The following MYO7B variants were observed in gnomAD, a reference collection of about 807,000 sequenced individuals.
The protein encoded by MYO7B is myosin VIIB, also known as unconventional myosin-VIIb.
MYO7B carries 212 observed loss-of-function variants against 259.7 expected under a neutral mutation model. The observed-to-expected ratio is 0.82, with a 90% CI of 0.73 to 0.91. The LOEUF is 0.91. MYO7B is among the 40% of genes least tolerant of loss of function. MYO7B has a pLI of 0.00. For synonymous variants in MYO7B, 1,197 were observed against 1,166.4 expected, an observed-to-expected ratio of 1.03 and a Z score of -0.54; for missense variants, 2,732 against 2,813.5, an observed-to-expected ratio of 0.97 and a Z score of 0.66.
At chr2:127,565,090 C>A in intron 3 of MYO7B, 143 bp from the exon 4 acceptor site, 2 of 1,025,376 alleles carry the variant, frequency 2.0e-6, no homozygotes, top group Admixed American at 2.3e-5. Context: ...CTGACCCTGG[C>A]CGGAGGCTGG....
chr2:127,601,404 T>G (rs1452691082), intron 19 of MYO7B, among the ~76,000 whole-genome samples: 1 of 152,230 alleles, frequency 6.6e-6, no homozygotes, highest in Non-Finnish European at 1.5e-5. Flanking sequence ...TATCAATTGT[T>G]GAGAGAGTCT....
chr2:127,564,359 C>A, intron 3 of MYO7B, 93 bp downstream of exon 3: 3 of 1,042,694 alleles, frequency 2.9e-6, no homozygotes, highest in Non-Finnish European at 4.1e-6. Flanking sequence ...TCCCCAACAC[C>A]AGGGGCTCCA....
rs978571559 is a variant in MYO7B, at chr2:127,609,490, C to G, written c.2815-16C>G. ...TGAAAGCCCTGCTGACCCGTGTTCT[C>G]CCTCAATGGCCGTAGGATCTGGAAT... On this transcript the variant is annotated splice_polypyrimidine_tract_variant and intron_variant, in intron 22 of 47. Transcript: ENST00000409816. This position sits in a 1 kb window ranked among gnomAD's most constrained non-coding sequence, Gnocchi z 6.9. 3.7e-6 allele frequency: 6 copies of G among 1,602,790 alleles called. No homozygotes were observed. The highest frequency in any genetic ancestry group is 5.1e-6 in the Non-Finnish European group (6 of 1,174,422).
At chr2:127,632,654 G>T (rs1681586254) in intron 39 of MYO7B, among the ~76,000 whole-genome samples, 1 of 152,200 alleles carries the variant, frequency 6.6e-6, no homozygotes. Context: ...GTGGCACAGA[G>T]GCACTGCCTG....
At chr2:127,589,555 A>G (rs1296584131) in intron 15 of MYO7B, among the ~76,000 whole-genome samples, 11 of 119,678 alleles carry the variant, frequency 9.2e-5, no homozygotes, top group South Asian at 6.5e-4. Context: ...TGGATGGGTG[A>G]GTGGGTGGAT....
At chr2:127,596,227 A>G (rs1430899520) in intron 18 of MYO7B, among the ~76,000 whole-genome samples, 1 of 152,218 alleles carries the variant, frequency 6.6e-6, no homozygotes, top group Non-Finnish European at 1.5e-5. Context: ...AGGATGCCAG[A>G]TTGAATTAGC....
intron 9 of MYO7B, 148 bp from the exon 10 acceptor site, chr2:127,580,598 G>A (rs1679059000): frequency 1.4e-6 from 1 of 727,174 alleles, no homozygotes; most frequent in Non-Finnish European, 2.3e-6. Context: ...CTCCCTCAAA[G>A]AGAGGACACT....
rs1573729623 is a variant in MYO7B at position 127,634,429 on chromosome 2, A to T, written c.5625+140A>T. ...CGGCCAGGGCTGCTGGGACAGAGGT[A>T]GGTGGGGTCCTGGAGCAGAGCCAGC... is the stretch of plus-strand genomic sequence containing the variant. On this transcript the variant is annotated intron_variant, in intron 41 of 47. Coordinates refer to ENST00000409816, the MANE Select transcript of MYO7B (RefSeq NM_001393586.1). 1.7e-5 allele frequency: 15 copies of T among 880,990 alleles called. No homozygotes were observed. The South Asian group carries it at 2.2e-4, about 13-fold the overall frequency. The allele number at this position is 880,990 out of a possible 1,614,324, so 54.6% of individuals were successfully genotyped here. A position where few individuals can be genotyped will look rare whatever the true frequency, so the allele number is the denominator to read the frequency against.
Position 127,565,330 on chromosome 2 carries a change from ACG to A in MYO7B, c.231_232del (p.Asn77LysfsTer109), listed in dbSNP as rs1678286761. On this transcript the variant is annotated frameshift_variant, in exon 4 of 48. Coordinates refer to ENST00000409816, the MANE Select transcript of MYO7B (RefSeq NM_001393586.1). LOFTEE classifies it high-confidence loss of function. ...GACATGATCCGCCTGGGGGACCTGA[ACG>A]AGGCAGGCATGGTGCACAACCTCCT... The A allele has an allele frequency of 6.2e-7, 1 of 1,613,922 alleles. No individual in the cohort carries two copies. Among genetic ancestry groups the A allele is most frequent in the Non-Finnish European group, 8.5e-7 (1 of 1,179,888 alleles).
chr2:127,547,997 A>G (rs1225779754), intron 1 of MYO7B, among the ~76,000 whole-genome samples: 1 of 152,182 alleles, frequency 6.6e-6, no homozygotes, highest in African/African-American at 2.4e-5. Context: ...CAGTTTCTCT[A>G]ATAGATACAG....
rs373904437 is a variant in MYO7B, at chr2:127,631,679, G to C, written c.5175G>C (p.Leu1725=). ...TLELTDQIFT[L]ALQHPALQDE... ...AGCTCACCGACCAGATCTTCACACT[G>C]GCCCTGCAGCACCCGGCCCTCCAGG... Residue 1725 remains leucine (L), a synonymous_variant, in exon 38 of 48, where the codon CTG becomes CTC. Transcript: ENST00000409816. 4 of 1,613,044 alleles carry C rather than the reference G, an allele frequency of 2.5e-6. No individual in the cohort carries two copies. Among genetic ancestry groups the C allele is most frequent in the Middle Eastern group, 3.3e-4 (2 of 6,060 alleles).
At position 127,539,880 on chromosome 2, in the gene MYO7B, C is replaced by T. The variant is rs541566013; in HGVS notation, c.-24+4049C>T. On this transcript the variant is annotated intron_variant, in intron 1 of 47. Transcript: ENST00000409816. This position sits in a 1 kb window ranked among gnomAD's most constrained non-coding sequence, Gnocchi z 4.0. ...CAAAGTCCATTGTATCGTTCTTACG[C>T]CTTTGCAGCCTCATAGCTTAGCTCC... 2.0e-5 allele frequency among the ~76,000 whole-genome samples: 3 copies of T among 152,324 alleles called. No homozygotes were observed. In the South Asian group the frequency reaches 6.2e-4, roughly 32 times the overall value.
chr2:127,630,960 C>G lies in MYO7B; in HGVS notation c.4937+52C>G. 2.0e-6 allele frequency: 3 copies of G among 1,513,254 alleles called. 1 individual carries two copies. The highest frequency in any genetic ancestry group is 3.9e-4 in the Middle Eastern group (2 of 5,156). The allele number at this position is 1,513,254 out of a possible 1,614,324, so 93.7% of individuals were successfully genotyped here. On this transcript the variant is annotated intron_variant, in intron 36 of 47. Transcript: ENST00000409816. ...TTGCACCCCCACCTCCCAGCCCCAC[C>G]TCACCTCATTGCACCCCCTGCTCCC...
chr2:127,617,693 G>A (rs1680630925), intron 26 of MYO7B, among the ~76,000 whole-genome samples: 3 of 150,146 alleles, frequency 2.0e-5, no homozygotes, highest in South Asian at 2.1e-4. Context: ...TAGTAGAGAC[G>A]GGGTTTCACC....
chr2:127,574,173 GAACCCACAGGCCTC>G, intron 7 of MYO7B, 111 bp downstream of exon 7: 1 of 1,358,276 alleles, frequency 7.4e-7, no homozygotes, highest in East Asian at 2.3e-5. Context: ...GGCCCTCCCA[GAACCCACAGGCCTC>G]ACTGGATAAT....
intron 1 of MYO7B, among the ~76,000 whole-genome samples, chr2:127,550,673 G>A (rs1385165616): frequency 6.6e-6 from 1 of 152,064 alleles, no homozygotes; most frequent in Non-Finnish European, 1.5e-5. Context: ...CATGAAAGGT[G>A]AGAAGGTGGA....
chr2:127,565,246 G>A lies in MYO7B; in HGVS notation c.146G>A (p.Arg49Gln), dbSNP rs200299859. The A allele has an allele frequency of 8.8e-5, 142 of 1,613,756 alleles. No homozygotes were observed. Among genetic ancestry groups the A allele is most frequent in the Non-Finnish European group, 1.1e-4 (129 of 1,179,778 alleles). The change falls in exon 4 of 48, where the codon CGA becomes CAA. Residue 49 changes from arginine to glutamine, a missense_variant. Arg to Gln is a conservative substitution (Grantham distance 43). This residue lies in a region of MYO7B where 1,906 missense variants were observed against 2,026.4 expected (regional missense o/e 0.94). Transcript: ENST00000409816. ...CCATTGTTCCAGGAACACTGGATCCGAGCAGAGGACTTTGGTGTCCTCAGT... is the reference window on the plus strand; with the variant it reads ...CCATTGTTCCAGGAACACTGGATCCAAGCAGAGGACTTTGGTGTCCTCAGT... ...EDDEGKEHWI[R>Q]AEDFGVLSPM...
chr2:127,541,662 G>A (rs1198112722), intron 1 of MYO7B, among the ~76,000 whole-genome samples: 1 of 152,230 alleles, frequency 6.6e-6, no homozygotes, highest in Non-Finnish European at 1.5e-5. Context: ...ATGGTGGGGA[G>A]GGATAAACTT....
chr2:127,540,612 G>A (rs927334023), intron 1 of MYO7B, among the ~76,000 whole-genome samples: 3 of 152,154 alleles, frequency 2.0e-5, no homozygotes, highest in Non-Finnish European at 4.4e-5. Context: ...TTCCTCAAGG[G>A]CTTTTTCTGG....
Sources: gnomAD v4.1 joint callset for allele counts (sites outside exome capture counted in the v4.1 genomes callset) on GRCh38, gnomAD v4.1.1 for gene constraint, gnomAD v4.1.1 regional missense constraint, Gnocchi (gnomAD v3.1) non-coding constraint, MANE v1.5 for transcripts, NCBI Gene and HGNC (gene_info 2026-07-23, HGNC 2026-07-21) for gene names.